Variants in GBF1 observed in about 807,000 individuals in gnomAD.
GBF1 encodes Golgi-specific brefeldin A-resistance guanine nucleotide exchange factor 1.
Under a neutral mutation model 210.5 loss-of-function variants are expected in GBF1, and 114 were observed. The observed-to-expected ratio is 0.54, with a 90% confidence interval of 0.47 to 0.63. The LOEUF (loss-of-function observed/expected upper bound fraction) is 0.63. GBF1 is among the 30% of genes least tolerant of loss of function. The pLI is 0.00. For missense variants in GBF1, 1,851 were observed against 2,357.7 expected (o/e 0.79, Z 4.45); for synonymous variants, 850 against 889.2 (o/e 0.96, Z 0.78).
intron 1 of GBF1, among the ~76,000 whole-genome samples, chr10:102,247,633 C>G (rs1408940053): frequency 6.6e-6 from 1 of 152,088 alleles, no homozygotes; most frequent in Non-Finnish European, 1.5e-5. Flanking sequence ...AAAACGTTTT[C>G]TCTTTCTCTC....
At chr10:102,353,997 G>C (rs1028877745) in intron 8 of GBF1, among the ~76,000 whole-genome samples, 7 of 152,138 alleles carry the variant, frequency 4.6e-5, no homozygotes, top group African/African-American at 1.7e-4. Context: ...CAGGTAGAAG[G>C]CCTAGAGAGG....
intron 3 of GBF1, among the ~76,000 whole-genome samples, chr10:102,342,418 G>C (rs1055145072): frequency 1.4e-4 from 21 of 150,824 alleles, no homozygotes; most frequent in African/African-American, 4.9e-4. Context: ...CTCACACACA[G>C]ACACACACAC....
chr10:102,327,766 G>A (rs773724213), intron 3 of GBF1, among the ~76,000 whole-genome samples: 29 of 152,294 alleles, frequency 1.9e-4, no homozygotes, highest in Non-Finnish European at 2.6e-4. Context: ...ACTCTGGGCT[G>A]GAATGCAACT....
At chr10:102,298,444 T>A (rs2077084714) in intron 3 of GBF1, among the ~76,000 whole-genome samples, 1 of 152,242 alleles carries the variant, frequency 6.6e-6, no homozygotes, top group African/African-American at 2.4e-5. Flanking sequence ...CAGTTTAGCA[T>A]CATATTATAT....
rs2059005340 is a variant in GBF1 at position 102,351,882 on chromosome 10, C to T, written c.454C>T (p.Leu152=). ...TLLLTPVGAH[L]TNESVCEIMQ... is the part of the protein sequence containing the mutation. ...GCTGCTAACCCCAGTGGGTGCCCACCTAACCAATGAATCTGTGTGTGAGAT... is the reference window on the plus strand; with the variant it reads ...GCTGCTAACCCCAGTGGGTGCCCACTTAACCAATGAATCTGTGTGTGAGAT... Residue 152 remains leucine (L), a synonymous_variant, in exon 6 of 40, where the codon CTA becomes TTA. Transcript: ENST00000369983. 6.2e-7 allele frequency: 1 copy of T among 1,611,692 alleles called. No homozygotes were observed. The highest frequency in any genetic ancestry group is 1.3e-5 in the African/African-American group (1 of 74,846).
upstream of GBF1, chr10:102,245,512 C>T (rs2070721676): frequency 6.6e-6 from 1 of 152,260 alleles, no homozygotes; most frequent in Admixed American, 6.5e-5. Flanking sequence ...AGTTACCAGG[C>T]AGCGGGCTAG....
chr10:102,248,587 A>T (rs1285466869), intron 1 of GBF1, among the ~76,000 whole-genome samples: 5 of 152,026 alleles, frequency 3.3e-5, no homozygotes, highest in South Asian at 4.2e-4. Flanking sequence ...ATTAGTGGGG[A>T]CTGTTGTGTA....
chr10:102,234,589 GGGTTAGAA>G, the GBF1 span, among the ~76,000 whole-genome samples: 2 of 152,014 alleles, frequency 1.3e-5, no homozygotes, highest in Non-Finnish European at 2.9e-5. Context: ...GAGGGAGGAA[GGGTTAGAA>G]CTGAGAGTTG....
chr10:102,271,760 A>G (rs2074446005), intron 3 of GBF1, among the ~76,000 whole-genome samples: 1 of 151,948 alleles, frequency 6.6e-6, no homozygotes, highest in African/African-American at 2.4e-5. Context: ...CATCATTACC[A>G]TTATTTTTTG....
chr10:102,382,143 C>A lies in GBF1; in HGVS notation c.5390C>A (p.Thr1797Asn). 6.2e-7 allele frequency: 1 copy of A among 1,611,362 alleles called. No individual in the cohort carries two copies. The highest frequency in any genetic ancestry group is 8.5e-7 in the Non-Finnish European group (1 of 1,178,192). ...TCAAGCCCCAGCAGGCTGAGCCCCA[C>A]CCCCGACGGGCCTCCACCCTTGGCT... ...VASSPSRLSPTPDGPPPLAQP... is the reference protein window; with the variant it reads ...VASSPSRLSPNPDGPPPLAQP... The change falls in exon 40 of 40, where the codon ACC becomes AAC. Residue 1797 changes from threonine (T) to asparagine (N), a missense_variant. Coordinates refer to ENST00000369983, the MANE Select transcript of GBF1 (RefSeq NM_001377137.1).
Position 102,370,806 on chromosome 10 carries a change from G to A in GBF1, c.3606G>A (p.Val1202=). 6.2e-7 allele frequency: 1 copy of A among 1,614,120 alleles called. No individual in the cohort carries two copies. Among genetic ancestry groups the A allele is most frequent in the Non-Finnish European group, 8.5e-7 (1 of 1,179,956 alleles). ...GCTTCCTTGTGGAGCGGGCAGTGGT[G>A]GGGTTGCTACGCCTGGCCATTCGGC... ...DFCFLVERAV[V]GLLRLAIRLL... is the part of the protein sequence containing the mutation. The change falls in exon 29 of 40, where the codon GTG becomes GTA. Residue 1202 remains valine (V), a synonymous_variant. Coordinates refer to ENST00000369983, the MANE Select transcript of GBF1 (RefSeq NM_001377137.1).
At chr10:102,277,029 CATA>C (rs2075049731) in intron 3 of GBF1, among the ~76,000 whole-genome samples, 1 of 151,906 alleles carries the variant, frequency 6.6e-6, no homozygotes, top group African/African-American at 2.4e-5. Context: ...TATATATAGA[CATA>C]AAATTATTTT....
In GBF1 at chr10:102,259,022, C is replaced by T. The variant is rs1238489439; in HGVS notation, c.84C>T (p.Thr28=). The change falls in exon 2 of 40, where the codon ACC becomes ACT. Residue 28 remains threonine, a synonymous_variant. Coordinates refer to ENST00000369983, the MANE Select transcript of GBF1 (RefSeq NM_001377137.1). ...GAIKRNARWS[T]HTPLDEERDP... ...TCAAACGAAATGCCCGATGGAGCAC[C>T]CATACACCACTGGTAAGTGGGAAAT... is the stretch of plus-strand genomic sequence containing the variant. The T allele has an allele frequency of 1.3e-6, 2 of 1,553,660 alleles. No individual in the cohort carries two copies. The highest frequency in any genetic ancestry group is 1.1e-5 in the South Asian group (1 of 89,958).
chr10:102,377,569 G>A (rs1757390847), intron 33 of GBF1, among the ~76,000 whole-genome samples: 2 of 152,020 alleles, frequency 1.3e-5, no homozygotes, highest in African/African-American at 2.4e-5. Context: ...TGGCCAGGAT[G>A]GCCTTGATCT....
At chr10:102,365,369 T>G (rs777073905) in intron 17 of GBF1, 28 bp from the exon 18 acceptor site, 196 of 1,590,618 alleles carry the variant, frequency 1.2e-4, no homozygotes, top group Admixed American at 6.2e-4. Context: ...GCAAAGTAGC[T>G]TCTATACCTC....
chr10:102,346,904 A>G (rs985259197), intron 4 of GBF1, among the ~76,000 whole-genome samples: 5 of 152,132 alleles, frequency 3.3e-5, no homozygotes, highest in Admixed American at 2.6e-4. Flanking sequence ...GTCAATTTGT[A>G]GGAGTTCTTT....
chr10:102,382,016 A>G, intron 39 of GBF1, 40 bp from the exon 40 acceptor site: 1 of 1,503,896 alleles, frequency 6.6e-7, no homozygotes, highest in Non-Finnish European at 8.9e-7. Flanking sequence ...TCTTGTACCA[A>G]CAAGGGAATC....
At chr10:102,293,038 T>C (rs966071682) in intron 3 of GBF1, among the ~76,000 whole-genome samples, 16 of 152,216 alleles carry the variant, frequency 1.1e-4, no homozygotes, top group African/African-American at 3.9e-4. Context: ...TAGATTAATA[T>C]TGCATGAATG....
At chr10:102,285,941 AT>A in intron 3 of GBF1, among the ~76,000 whole-genome samples, 1 of 151,988 alleles carries the variant, frequency 6.6e-6, no homozygotes, top group African/African-American at 2.4e-5. Context: ...ATCAGAATAC[AT>A]TTTAGTGTTT....
Sources: allele counts gnomAD v4.1 joint callset (sites outside exome capture counted in the v4.1 genomes callset), GRCh38; gene constraint gnomAD v4.1.1; transcripts MANE v1.5; gene names NCBI Gene and HGNC (gene_info 2026-07-23, HGNC 2026-07-21).